The following TRHDE variants were observed in gnomAD, a reference collection of about 807,000 sequenced individuals.
TRHDE encodes thyrotropin releasing hormone degrading enzyme.
TRHDE carries 72 observed loss-of-function variants against 125.7 expected under a neutral mutation model. The observed-to-expected ratio is 0.57, with a 90% CI of 0.47 to 0.70. The LOEUF (loss-of-function observed/expected upper bound fraction) is 0.70. Among genes scored for constraint, TRHDE ranks in the 30% least tolerant of loss-of-function variants. The pLI, the probability that TRHDE is intolerant of heterozygous loss-of-function variation, is 0.00. For synonymous variants in TRHDE, 509 were observed against 509.1 expected, an observed-to-expected ratio of 1.00 and a Z score of 0.00; for missense variants, 1,110 against 1,327.1, an observed-to-expected ratio of 0.84 and a Z score of 2.54.
intron 2 of TRHDE, among the ~76,000 whole-genome samples, chr12:72,304,766 A>G (rs1868315340): frequency 1.3e-5 from 2 of 152,202 alleles, no homozygotes; most frequent in African/African-American, 4.8e-5. Flanking sequence ...TCACCATGCC[A>G]GATTACACAT....
chr12:72,601,567 C>T (rs1390079266), intron 12 of TRHDE, among the ~76,000 whole-genome samples: 1 of 152,128 alleles, frequency 6.6e-6, no homozygotes, highest in African/African-American at 2.4e-5. Context: ...ACAAAGACGT[C>T]TTCCATGAAA....
intron 10 of TRHDE, among the ~76,000 whole-genome samples, chr12:72,570,203 C>T (rs1870651423): frequency 6.6e-6 from 1 of 152,114 alleles, no homozygotes; most frequent in African/African-American, 2.4e-5. Flanking sequence ...TGGTGGATAC[C>T]TTTCCGGGTC....
rs751243542 is a variant in TRHDE, at chr12:72,495,060, G to GTTTTTTTTTTTTTTTTTTTTTTTTTTT, written c.1585-4412_1585-4411insTTTTTTTTTTTTTTTTTTTTTTTTTTT. ...CATTTCTGTCAATAGTTCCTCCCCC[G>GTTTTTTTTTTTTTTTTTTTTTTTTTTT]TTTTTTTTTTTTTTTTTTTTTTTTT... On this transcript the variant is annotated intron_variant, in intron 5 of 18. Coordinates refer to ENST00000261180, the MANE Select transcript of TRHDE (RefSeq NM_013381.3). Among the ~76,000 whole-genome samples the GTTTTTTTTTTTTTTTTTTTTTTTTTTT allele has an allele frequency of 1.2e-4, 7 of 58,390 alleles. 2 individuals carry two copies. The highest frequency in any genetic ancestry group is 3.0e-4 in the African/African-American group (4 of 13,478). 38.3% of individuals were successfully genotyped at this position (58,390 alleles called of 152,430 possible). A position where few individuals can be genotyped will look rare whatever the true frequency, so the allele number is the denominator to read the frequency against.
chr12:72,367,234 C>T (rs1161869553), intron 2 of TRHDE, among the ~76,000 whole-genome samples: 1 of 152,116 alleles, frequency 6.6e-6, no homozygotes, highest in African/African-American at 2.4e-5. Flanking sequence ...TGCTTTTCTA[C>T]TCACTGGCCT....
At chr12:72,533,413 T>A (rs1450761354) in intron 6 of TRHDE, among the ~76,000 whole-genome samples, 1 of 152,146 alleles carries the variant, frequency 6.6e-6, no homozygotes, top group East Asian at 1.9e-4. Flanking sequence ...GACCTTGTGA[T>A]CTGCCCACCC....
intron 2 of TRHDE, among the ~76,000 whole-genome samples, chr12:72,345,702 A>C (rs1870296615): frequency 6.6e-6 from 1 of 151,972 alleles, no homozygotes; most frequent in African/African-American, 2.4e-5. Context: ...GCATTGTTTA[A>C]TGGGGTGGAG....
At chr12:72,597,004 A>C (rs1671753233) in intron 12 of TRHDE, among the ~76,000 whole-genome samples, 1 of 152,254 alleles carries the variant, frequency 6.6e-6, no homozygotes, top group African/African-American at 2.4e-5. Flanking sequence ...AATTGTGGCT[A>C]TACCTAGTTA....
rs573754716 is a variant in TRHDE at position 72,646,799 on chromosome 12, A to G, written c.2676-5523A>G. Reference sequence around the variant, plus strand: ...TAGAAAGATATAACAAATTATAAACATATATGCATTCAACATTAGAGCACC... The same window carrying G: ...TAGAAAGATATAACAAATTATAAACGTATATGCATTCAACATTAGAGCACC... On this transcript the variant is annotated intron_variant, in intron 15 of 18. Transcript: ENST00000261180. 2.0e-5 allele frequency among the ~76,000 whole-genome samples: 3 copies of G among 152,252 alleles called. No individual in the cohort carries two copies. In the South Asian group the frequency reaches 6.2e-4, roughly 32 times the overall value.
intron 2 of TRHDE, among the ~76,000 whole-genome samples, chr12:72,210,032 A>G (rs1008391618): frequency 1.3e-5 from 2 of 152,192 alleles, no homozygotes; most frequent in Non-Finnish European, 1.5e-5. Flanking sequence ...AAAATTTATA[A>G]CAACTGCAAG....
chr12:72,588,944 C>T (rs1871555322), intron 12 of TRHDE, among the ~76,000 whole-genome samples: 1 of 152,112 alleles, frequency 6.6e-6, no homozygotes, highest in Non-Finnish European at 1.5e-5. Context: ...GAGGGAAAAA[C>T]CCCTTTTAAA....
intron 2 of TRHDE, among the ~76,000 whole-genome samples, chr12:72,352,040 A>C (rs1454403990): frequency 6.6e-6 from 1 of 151,918 alleles, no homozygotes; most frequent in Non-Finnish European, 1.5e-5. Flanking sequence ...TATAATGTTG[A>C]CCATGAGCCT....
chr12:72,102,240 T>C (rs1391326376), intron 1 of TRHDE, among the ~76,000 whole-genome samples: 3 of 152,108 alleles, frequency 2.0e-5, no homozygotes, highest in African/African-American at 7.2e-5. Flanking sequence ...CTTCAGATAA[T>C]AGCAGGGCTT....
At chr12:72,636,078 G>A (rs1358985280) in intron 15 of TRHDE, among the ~76,000 whole-genome samples, 9 of 151,386 alleles carry the variant, frequency 5.9e-5, no homozygotes, top group Non-Finnish European at 1.0e-4. Context: ...CATTGAATCT[G>A]TAAATTACCT....
At position 72,092,468 on chromosome 12, in the gene TRHDE, A is replaced by G. The variant is rs541126401; in HGVS notation, n.174+5029A>G. On this transcript the variant is annotated intron_variant and non_coding_transcript_variant, in intron 1 of 4. Coordinates refer to the TRHDE transcript ENST00000548156. The stretch of plus-strand genomic sequence containing the variant: ...AACTCAAACAGTACAATCAGGATCT[A>G]GCTTCTCTCTTCTTGTCTCTGGGAC... Among the ~76,000 whole-genome samples the G allele has an allele frequency of 9.2e-5, 14 of 152,360 alleles. No homozygotes were observed. In the South Asian group the frequency reaches 2.7e-3, roughly 29 times the overall value.
chr12:72,169,368 C>T (rs1161260600), intron 2 of TRHDE, among the ~76,000 whole-genome samples: 4 of 152,144 alleles, frequency 2.6e-5, no homozygotes, highest in Non-Finnish European at 5.9e-5. Context: ...GACTGCCAAA[C>T]AAAATGCCAT....
intron 12 of TRHDE, among the ~76,000 whole-genome samples, chr12:72,617,758 G>C (rs79944777): frequency 2.6e-5 from 4 of 152,152 alleles, no homozygotes; most frequent in Non-Finnish European, 4.4e-5. Context: ...ATGAGAGCTT[G>C]GTCTGCTTCA....
At chr12:72,600,767 C>A (rs1786836246) in intron 12 of TRHDE, among the ~76,000 whole-genome samples, 1 of 151,996 alleles carries the variant, frequency 6.6e-6, no homozygotes, top group African/African-American at 2.4e-5. Context: ...TGGATGACAA[C>A]ACATCTATTT....
At position 72,625,827 on chromosome 12, in the gene TRHDE, T is replaced by C. The variant is rs141582249; in HGVS notation, c.2675+4076T>C. On this transcript the variant is annotated intron_variant, in intron 15 of 18. Coordinates refer to ENST00000261180, the MANE Select transcript of TRHDE (RefSeq NM_013381.3). ...TGTTGTATGTGGTTCTGTGGTATAT[T>C]ACACTACTATATATCAGTAAGATAC... Among the ~76,000 whole-genome samples, 353 of 152,046 alleles carry C rather than the reference T, an allele frequency of 2.3e-3. 2 individuals carry two copies. Among genetic ancestry groups the C allele is most frequent in the African/African-American group, 7.6e-3 (314 of 41,530 alleles).
intron 2 of TRHDE, among the ~76,000 whole-genome samples, chr12:72,213,506 A>G (rs955076111): frequency 2.6e-5 from 4 of 152,154 alleles, no homozygotes; most frequent in Admixed American, 2.6e-4. Context: ...ACCGAGCTTC[A>G]AAGAGAAACA....
Sources: allele counts gnomAD v4.1 joint callset (sites outside exome capture counted in the v4.1 genomes callset), GRCh38; gene constraint gnomAD v4.1.1; transcripts MANE v1.5; gene names NCBI Gene and HGNC (gene_info 2026-07-23, HGNC 2026-07-21).